The following TRPC4 variants were observed in gnomAD, a reference collection of about 807,000 sequenced individuals.
The protein encoded by TRPC4 is transient receptor potential cation channel subfamily C member 4.
TRPC4 carries 49 observed loss-of-function variants against 99.4 expected under a neutral mutation model. The ratio of observed to expected loss-of-function variants is 0.49; its 90% CI spans 0.39 to 0.63. TRPC4 has a LOEUF of 0.63. Among genes scored for constraint, TRPC4 ranks in the 20% least tolerant of loss-of-function variants. TRPC4 has a pLI of 0.00. For synonymous variants in TRPC4, 454 were observed against 425.9 expected, an observed-to-expected ratio of 1.07 and a Z score of -0.81; for missense variants, 898 against 1,152.9, an observed-to-expected ratio of 0.78 and a Z score of 3.20.
chr13:37,848,713 G>T (rs1412347175), intron 1 of TRPC4, among the ~76,000 whole-genome samples: 1 of 152,160 alleles, frequency 6.6e-6, no homozygotes, highest in East Asian at 1.9e-4. Context: ...ACTTCAAGCA[G>T]ACCAGGGAAA....
At chr13:37,699,711 C>T (rs1954041782) in intron 3 of TRPC4, among the ~76,000 whole-genome samples, 2 of 152,116 alleles carry the variant, frequency 1.3e-5, no homozygotes, top group South Asian at 2.1e-4. Context: ...TTCAGATTTG[C>T]AGATCAGGAT....
At chr13:37,844,295 T>C (rs990679186) in intron 1 of TRPC4, among the ~76,000 whole-genome samples, 5 of 152,140 alleles carry the variant, frequency 3.3e-5, no homozygotes, top group African/African-American at 1.2e-4. Context: ...CTTTTTTTTT[T>C]TCTTTCTTTA....
At chr13:37,863,300 T>TTTGAATATA (rs1959512240) in intron 1 of TRPC4, among the ~76,000 whole-genome samples, 3 of 151,648 alleles carry the variant, frequency 2.0e-5, no homozygotes, top group African/African-American at 7.2e-5. Flanking sequence ...ATAGGGACAC[T>TTTGAATATA]GACATATTCA....
chr13:37,745,508 GTA>G (rs1223296423), intron 3 of TRPC4, among the ~76,000 whole-genome samples: 33 of 111,436 alleles, frequency 3.0e-4, no homozygotes, highest in Admixed American at 1.1e-3. Flanking sequence ...ACGTATATAT[GTA>G]TATATATACG....
intron 1 of TRPC4, among the ~76,000 whole-genome samples, chr13:37,797,380 T>C (rs1957285355): frequency 6.6e-6 from 1 of 152,062 alleles, no homozygotes; most frequent in Non-Finnish European, 1.5e-5. Context: ...TAATTAAATA[T>C]GGTTTCATTC....
intron 4 of TRPC4, among the ~76,000 whole-genome samples, chr13:37,689,893 T>C (rs1953624380): frequency 6.6e-6 from 1 of 152,228 alleles, no homozygotes; most frequent in Non-Finnish European, 1.5e-5. Flanking sequence ...AAGGGCTCTT[T>C]GTTGCCTTAC....
chr13:37,848,541 T>C (rs1010078868), intron 1 of TRPC4, among the ~76,000 whole-genome samples: 1 of 152,116 alleles, frequency 6.6e-6, no homozygotes, highest in East Asian at 1.9e-4. Context: ...GAAAATCAAG[T>C]TGCAGACAGA....
At chr13:37,687,768 T>C (rs1953537670) in intron 4 of TRPC4, among the ~76,000 whole-genome samples, 1 of 152,212 alleles carries the variant, frequency 6.6e-6, no homozygotes, top group Non-Finnish European at 1.5e-5. Flanking sequence ...CTCTTTCTAA[T>C]CCATCATTCA....
intron 1 of TRPC4, among the ~76,000 whole-genome samples, chr13:37,830,211 T>G (rs1379746652): frequency 6.6e-6 from 1 of 152,104 alleles, no homozygotes; most frequent in African/African-American, 2.4e-5. Context: ...TAAGCATGCT[T>G]CAGCACATAA....
chr13:37,812,967 GA>G (rs1354344907), intron 1 of TRPC4, among the ~76,000 whole-genome samples: 2 of 151,468 alleles, frequency 1.3e-5, no homozygotes, highest in Non-Finnish European at 2.9e-5. Flanking sequence ...AAACACTAGT[GA>G]AAAAAGCAGT....
chr13:37,758,874 G>A (rs923158445), intron 2 of TRPC4, among the ~76,000 whole-genome samples: 5 of 151,442 alleles, frequency 3.3e-5, no homozygotes, highest in South Asian at 2.1e-4. Context: ...AAATTATTCC[G>A]TTAGTGGAAA....
intron 1 of TRPC4, 102 bp downstream of exon 1, chr13:37,869,493 G>C (rs1007527988): frequency 3.9e-5 from 6 of 152,244 alleles, no homozygotes; most frequent in African/African-American, 1.2e-4. Flanking sequence ...TCCCAGAAGA[G>C]AGCCGGCTTC....
rs541849706 is a variant in TRPC4, at chr13:37,846,857, A to G, written c.-28+22738T>C. Among the ~76,000 whole-genome samples the G allele has an allele frequency of 5.3e-5, 8 of 152,192 alleles. No homozygotes were observed. In the South Asian group the frequency reaches 1.0e-3, roughly 20 times the overall value. Reference sequence around the variant, plus strand: ...CAGATACACACAGATTAAAAGTGAAATGATTGGAAAAAAGTATTTCCCACA... The same window carrying G: ...CAGATACACACAGATTAAAAGTGAAGTGATTGGAAAAAAGTATTTCCCACA... On this transcript the variant is annotated intron_variant, in intron 1 of 10. Transcript: ENST00000379705.
At chr13:37,783,511 A>G in intron 1 of TRPC4, among the ~76,000 whole-genome samples, 151 bp from the exon 2 acceptor site, 1 of 151,994 alleles carries the variant, frequency 6.6e-6, no homozygotes, top group East Asian at 1.9e-4. Context: ...TTCTTCAACA[A>G]TATAAATACT....
At chr13:37,860,243 G>A (rs947756762) in intron 1 of TRPC4, among the ~76,000 whole-genome samples, 1 of 151,280 alleles carries the variant, frequency 6.6e-6, no homozygotes, top group African/African-American at 2.4e-5. Context: ...TGTTATTTTA[G>A]ACAGGACATT....
chr13:37,706,664 T>A (rs1398182979), intron 3 of TRPC4, among the ~76,000 whole-genome samples: 1 of 150,004 alleles, frequency 6.7e-6, no homozygotes, highest in Non-Finnish European at 1.5e-5. Flanking sequence ...GTGTGCGATG[T>A]TCCCCTTCCT....
intron 6 of TRPC4, among the ~76,000 whole-genome samples, chr13:37,659,907 T>C (rs1952371261): frequency 6.6e-6 from 1 of 152,128 alleles, no homozygotes; most frequent in Non-Finnish European, 1.5e-5. Context: ...AAGAATATGT[T>C]TTAGAGAGAC....
chr13:37,654,276 C>T (rs1292843147), intron 7 of TRPC4, among the ~76,000 whole-genome samples: 1 of 152,048 alleles, frequency 6.6e-6, no homozygotes, highest in Non-Finnish European at 1.5e-5. Flanking sequence ...AATGGGAAAA[C>T]TATAATTACG....
intron 3 of TRPC4, among the ~76,000 whole-genome samples, chr13:37,709,298 C>T (rs569743481): frequency 2.0e-5 from 3 of 151,976 alleles, no homozygotes; most frequent in South Asian, 2.1e-4. Context: ...CTGTTCAATA[C>T]CTGGATTTTA....
Sources: allele counts gnomAD v4.1 joint callset (sites outside exome capture counted in the v4.1 genomes callset), GRCh38; gene constraint gnomAD v4.1.1; transcripts MANE v1.5; gene names NCBI Gene and HGNC (gene_info 2026-07-23, HGNC 2026-07-21).